PARD3B: variants seen among roughly 807,000 people sequenced by gnomAD.
The protein encoded by PARD3B is partitioning defective 3 homolog B.
A neutral mutation model predicts 130.2 loss-of-function variants in PARD3B; 103 were observed. That is an observed-to-expected ratio of 0.79 (90% confidence interval 0.67 to 0.93). The LOEUF (loss-of-function observed/expected upper bound fraction) is 0.93, where lower values mean the gene tolerates loss of function less well. Ranked by LOEUF, PARD3B falls within the 40% of genes least tolerant of loss-of-function variation. PARD3B has a pLI of 0.00. For synonymous variants in PARD3B, 583 were observed against 553.2 expected (o/e 1.05, Z -0.76); for missense variants, 1,609 against 1,499.2 (o/e 1.07, Z -1.21).
intron 18 of PARD3B, among the ~76,000 whole-genome samples, chr2:205,378,813 G>A (rs1405264150): frequency 6.6e-6 from 1 of 151,856 alleles, no homozygotes; most frequent in South Asian, 2.1e-4. Flanking sequence ...TGTATTTTTA[G>A]TAGAGACGGG....
chr2:204,995,404 T>C (rs1432030607), intron 3 of PARD3B, among the ~76,000 whole-genome samples: 1 of 147,404 alleles, frequency 6.8e-6, no homozygotes, highest in Non-Finnish European at 1.5e-5. Context: ...TGTTGAATAT[T>C]GGCCCCCACT....
At chr2:204,944,807 C>G (rs544723837) in intron 2 of PARD3B, among the ~76,000 whole-genome samples, 3 of 152,180 alleles carry the variant, frequency 2.0e-5, no homozygotes, top group Non-Finnish European at 2.9e-5. Context: ...TGCCCTCACT[C>G]TTTCTTCCTC....
At chr2:204,834,967 G>A (rs914109112) in intron 2 of PARD3B, among the ~76,000 whole-genome samples, 1 of 152,214 alleles carries the variant, frequency 6.6e-6, no homozygotes, top group Non-Finnish European at 1.5e-5. Context: ...TTGAGTCCTA[G>A]TGTCACCACT....
intron 1 of PARD3B, among the ~76,000 whole-genome samples, chr2:204,611,830 A>G (rs953353080): frequency 6.6e-5 from 7 of 106,036 alleles, no homozygotes; most frequent in East Asian, 3.1e-4. Flanking sequence ...AACAACAACT[A>G]TATAAATCTA....
intron 22 of PARD3B, among the ~76,000 whole-genome samples, chr2:205,595,162 A>AC (rs60388682): frequency 1 from 152,304 of 152,306 alleles, 76,151 homozygotes; most frequent in Non-Finnish European, 1. Context: ...CCCAGTCTTC[A>AC]CCTCTGAGTT....
At chr2:204,781,527 A>G (rs2041834644) in intron 2 of PARD3B, among the ~76,000 whole-genome samples, 1 of 152,102 alleles carries the variant, frequency 6.6e-6, no homozygotes, top group South Asian at 2.1e-4. Flanking sequence ...TTTACTTTTC[A>G]TATCAAAACG....
At position 205,391,810 on chromosome 2, in the gene PARD3B, C is replaced by T. The variant is rs184592948; in HGVS notation, c.2631-9203C>T. 9.2e-5 allele frequency among the ~76,000 whole-genome samples: 14 copies of T among 152,158 alleles called. 2 individuals carry two copies. The South Asian group carries it at 2.1e-3, about 23-fold the overall frequency. ...TTTATCTTTCTTGCCCACTCATTCA[C>T]GCTTATTTTTATTTAATTTTAATTT... On this transcript the variant is annotated intron_variant, in intron 18 of 22. Transcript: ENST00000406610.
intron 1 of PARD3B, among the ~76,000 whole-genome samples, chr2:204,618,248 G>T (rs1384930211): frequency 2.0e-5 from 3 of 152,152 alleles, no homozygotes; most frequent in Admixed American, 2.0e-4. Flanking sequence ...GGAACAGTGT[G>T]CCCTGAATAG....
At chr2:205,043,937 C>T (rs1207451376) in intron 3 of PARD3B, among the ~76,000 whole-genome samples, 3 of 149,994 alleles carry the variant, frequency 2.0e-5, no homozygotes, top group African/African-American at 7.4e-5. Context: ...GGTATATCTC[C>T]CAATGCTATC....
At chr2:205,077,730 A>G (rs1376520264) in intron 4 of PARD3B, among the ~76,000 whole-genome samples, 3 of 152,158 alleles carry the variant, frequency 2.0e-5, no homozygotes, top group East Asian at 1.9e-4. Flanking sequence ...TCTGGGATAT[A>G]TATATATATC....
chr2:205,493,861 G>A (rs1200726885), intron 20 of PARD3B, among the ~76,000 whole-genome samples: 1 of 151,890 alleles, frequency 6.6e-6, no homozygotes, highest in Non-Finnish European at 1.5e-5. Flanking sequence ...GAGTTCAAGT[G>A]ATTATCCTGC....
At chr2:205,505,874 A>C (rs1395341725) in intron 21 of PARD3B, among the ~76,000 whole-genome samples, 3 of 151,952 alleles carry the variant, frequency 2.0e-5, no homozygotes, top group African/African-American at 7.3e-5. Flanking sequence ...CCCCCGCCCA[A>C]CCTTTTTAAA....
At chr2:205,067,876 G>A (rs1160518306) in intron 4 of PARD3B, among the ~76,000 whole-genome samples, 2 of 152,096 alleles carry the variant, frequency 1.3e-5, no homozygotes, top group Non-Finnish European at 2.9e-5. Flanking sequence ...CTTTGGCCAT[G>A]ATGCATTCTG....
At chr2:205,504,106 G>C (rs2050259618) in intron 21 of PARD3B, among the ~76,000 whole-genome samples, 1 of 152,096 alleles carries the variant, frequency 6.6e-6, no homozygotes, top group Non-Finnish European at 1.5e-5. Context: ...ACAACCATCT[G>C]ATCTTTCACA....
At chr2:205,005,248 G>A (rs1695161236) in intron 3 of PARD3B, among the ~76,000 whole-genome samples, 1 of 152,058 alleles carries the variant, frequency 6.6e-6, no homozygotes, top group African/African-American at 2.4e-5. Flanking sequence ...TATACAGCAA[G>A]AGAAAATAAT....
chr2:205,526,131 A>G (rs2051325797), intron 21 of PARD3B, among the ~76,000 whole-genome samples: 1 of 152,226 alleles, frequency 6.6e-6, no homozygotes, highest in Non-Finnish European at 1.5e-5. Context: ...ACAACTGGTC[A>G]TGGACAATCT....
intron 2 of PARD3B, among the ~76,000 whole-genome samples, chr2:204,796,645 T>C (rs1295914717): frequency 2.0e-5 from 3 of 152,228 alleles, no homozygotes; most frequent in African/African-American, 7.2e-5. Context: ...AGGAGCACCC[T>C]AACAAAATTA....
chr2:205,109,988 A>G (rs1244611379), intron 5 of PARD3B, among the ~76,000 whole-genome samples: 1 of 152,072 alleles, frequency 6.6e-6, no homozygotes, highest in African/African-American at 2.4e-5. Context: ...TCCGTGTGCA[A>G]ATGAGGAAAC....
At chr2:204,908,548 A>G (rs1191065293) in intron 2 of PARD3B, among the ~76,000 whole-genome samples, 1 of 152,204 alleles carries the variant, frequency 6.6e-6, no homozygotes, top group Admixed American at 6.5e-5. Flanking sequence ...CTTTGTATGA[A>G]AACAAGTGAC....
Sources: gnomAD v4.1 joint callset for allele counts (sites outside exome capture counted in the v4.1 genomes callset) on GRCh38, gnomAD v4.1.1 for gene constraint, MANE v1.5 for transcripts, NCBI Gene and HGNC (gene_info 2026-07-23, HGNC 2026-07-21) for gene names.